ADGRG4: variants seen among roughly 807,000 people sequenced by gnomAD.
The protein encoded by ADGRG4 is G protein-coupled receptor 112.
ADGRG4 carries 122 observed loss-of-function variants against 126.2 expected under a neutral mutation model. The observed-to-expected ratio is 0.97, with a 90% CI of 0.83 to 1.12. ADGRG4 has a LOEUF of 1.12. Ranked by LOEUF, ADGRG4 falls within the 50% of genes most tolerant of loss-of-function variation. The pLI is 0.00. For missense variants in ADGRG4, 2,481 were observed against 2,251.8 expected, an observed-to-expected ratio of 1.10 and a Z score of -2.06; for synonymous variants, 943 against 838.7, an observed-to-expected ratio of 1.12 and a Z score of -2.15.
intron 10 of ADGRG4, among the ~76,000 whole-genome samples, chrX:136,359,049 G>A (rs1168025125): frequency 1.8e-5 from 2 of 112,444 alleles, no homozygotes; most frequent in Non-Finnish European, 3.8e-5. Context: ...CAATGCATAC[G>A]TTACTGACCA....
intron 4 of ADGRG4, among the ~76,000 whole-genome samples, chrX:136,309,441 C>T (rs935086062): frequency 5.3e-5 from 6 of 112,335 alleles, no homozygotes; most frequent in South Asian, 3.7e-4. Flanking sequence ...AATTTGGAGA[C>T]TTCAGGAGAA....
intron 8 of ADGRG4, among the ~76,000 whole-genome samples, chrX:136,354,691 T>C (rs2075083093): frequency 2.7e-5 from 3 of 111,815 alleles, no homozygotes; most frequent in Non-Finnish European, 1.9e-5. Context: ...TCTGACTAAC[T>C]GACTTCAACT....
At position 136,361,513 on chromosome X, in the gene ADGRG4, G is replaced by T. The variant is rs774756962; in HGVS notation, c.7203G>T (p.Trp2401Cys). The T allele has an allele frequency of 1.7e-6, 2 of 1,186,797 alleles. No homozygotes were observed. The highest frequency in any genetic ancestry group is 2.2e-5 in the Admixed American group (1 of 45,463). Residue 2401 changes from tryptophan to cysteine, a missense_variant, in exon 12 of 26, where the codon TGG becomes TGT. Coordinates refer to ENST00000394143, the MANE Select transcript of ADGRG4 (RefSeq NM_153834.4). ...CTAAATACAAAGGGACCTATAAGTG[G>T]CTATTAACCAACCCTACGGAGACAG... ...TASKYKGTYKWLLTNPTETAQ... is the reference protein window; with the variant it reads ...TASKYKGTYKCLLTNPTETAQ...
intron 5 of ADGRG4, among the ~76,000 whole-genome samples, chrX:136,342,956 TAAA>T (rs748855828): frequency 2.0e-5 from 2 of 102,480 alleles, no homozygotes; most frequent in Non-Finnish European, 4.0e-5. Context: ...GATTGGCACT[TAAA>T]AAGATCATTT....
At chrX:136,378,536 G>A (rs2075241617) in intron 15 of ADGRG4, among the ~76,000 whole-genome samples, 1 of 111,345 alleles carries the variant, frequency 9.0e-6, no homozygotes, top group African/African-American at 3.2e-5. Context: ...GAATAGAAGT[G>A]GTTGAAGTGG....
Position 136,350,156 on chromosome X carries a change from T to A in ADGRG4, c.6450T>A (p.Ser2150=), listed in dbSNP as rs764212748. Residue 2150 remains serine (S), a synonymous_variant, in exon 6 of 26, where the codon TCT becomes TCA. Transcript: ENST00000394143. ...LSVGAMPLPS[S]TITSSWNRIP... ...TTGGTGCCATGCCTCTGCCTAGCTCTACAATAACATCTTCATGGAACAGAA... is the reference window on the plus strand; with the variant it reads ...TTGGTGCCATGCCTCTGCCTAGCTCAACAATAACATCTTCATGGAACAGAA... 11 of 1,208,779 alleles carry A rather than the reference T, an allele frequency of 9.1e-6. No homozygotes were observed. The highest frequency in any genetic ancestry group is 1.2e-5 in the Non-Finnish European group (11 of 894,378).
intron 21 of ADGRG4, 133 bp from the exon 22 acceptor site, chrX:136,403,111 A>G (rs1025403138): frequency 1.5e-5 from 7 of 456,769 alleles, no homozygotes; most frequent in East Asian, 3.7e-5. Flanking sequence ...CATTTTGCAA[A>G]CAATAGTATT....
intron 24 of ADGRG4, among the ~76,000 whole-genome samples, chrX:136,413,330 T>C (rs1603301616): frequency 9.6e-6 from 1 of 104,607 alleles, no homozygotes; most frequent in Admixed American, 1.1e-4. Context: ...TGAGTGAGAA[T>C]ATGAGGTGTT....
At chrX:136,397,618 G>A (rs1221819194) in intron 19 of ADGRG4, among the ~76,000 whole-genome samples, 2 of 104,420 alleles carry the variant, frequency 1.9e-5, no homozygotes, top group African/African-American at 7.0e-5. Context: ...TGTAGAACAT[G>A]TTAATGATGA....
At chrX:136,405,631 T>C (rs745307323) in intron 22 of ADGRG4, 61 bp from the exon 23 acceptor site, 31 of 903,762 alleles carry the variant, frequency 3.4e-5, no homozygotes, top group Non-Finnish European at 4.2e-5. Context: ...TGATCTTCAG[T>C]CTCTGAGAAA....
In ADGRG4 at chrX:136,349,420, A is replaced by G. The variant is rs867265666; in HGVS notation, c.5714A>G (p.Asn1905Ser). ...ISTTINVPTS[N>S]EMETETLHLV... The stretch of plus-strand genomic sequence containing the variant: ...ACCACTATTAATGTACCTACATCCA[A>G]TGAGATGGAAACAGAGACTCTACAC... Residue 1905 changes from asparagine (N) to serine (S), a missense_variant, in exon 6 of 26, where the codon AAT becomes AGT. Transcript: ENST00000394143. The G allele has an allele frequency of 1.7e-6, 2 of 1,203,832 alleles. No individual in the cohort carries two copies. The highest frequency in any genetic ancestry group is 2.3e-6 in the Non-Finnish European group (2 of 888,878).
chrX:136,365,598 G>C (rs945669723), intron 13 of ADGRG4, among the ~76,000 whole-genome samples: 4 of 111,889 alleles, frequency 3.6e-5, no homozygotes, highest in African/African-American at 9.7e-5. Context: ...GAGTAGAATT[G>C]CTAGGTCATA....
chrX:136,357,889 A>G (rs1045822418), intron 10 of ADGRG4, 133 bp downstream of exon 10: 3 of 467,414 alleles, frequency 6.4e-6, no homozygotes, highest in Non-Finnish European at 7.6e-6. Flanking sequence ...ATTATTTCAC[A>G]TATGCTGTAA....
Position 136,416,591 on chromosome X carries a change from A to G in ADGRG4, c.*100A>G. 1.8e-6 allele frequency: 1 copy of G among 568,996 alleles called. No individual in the cohort carries two copies. The highest frequency in any genetic ancestry group is 2.8e-6 in the Non-Finnish European group (1 of 354,473). 46.9% of individuals were successfully genotyped at this position (568,996 alleles called of 1,213,427 possible). A position where few individuals can be genotyped will look rare whatever the true frequency, so the allele number is the denominator to read the frequency against. On this transcript the variant is annotated 3_prime_UTR_variant, in exon 26 of 26. Transcript: ENST00000394143. ...TTGCTCGGGTGATGGGTGCACCAAA[A>G]TCTCACAAATCACCACTAAATAATG...
chrX:136,377,930 T>C (rs1333939731), intron 15 of ADGRG4, among the ~76,000 whole-genome samples: 4 of 110,097 alleles, frequency 3.6e-5, no homozygotes, highest in Non-Finnish European at 7.6e-5. Flanking sequence ...TACTTCAACA[T>C]TGTTGCTTTT....
intron 4 of ADGRG4, among the ~76,000 whole-genome samples, chrX:136,318,155 C>T (rs939310837): frequency 8.9e-6 from 1 of 112,309 alleles, no homozygotes; most frequent in Non-Finnish European, 1.9e-5. Context: ...TGTCTATTAA[C>T]GTGAATCAAT....
intron 16 of ADGRG4, among the ~76,000 whole-genome samples, chrX:136,390,036 G>T (rs2075311402): frequency 9.0e-6 from 1 of 111,574 alleles, no homozygotes; most frequent in Non-Finnish European, 1.9e-5. Flanking sequence ...CATAACCTTA[G>T]AAATTTGTTT....
intron 5 of ADGRG4, among the ~76,000 whole-genome samples, chrX:136,333,512 GTTTA>G (rs957845601): frequency 1.8e-4 from 20 of 111,027 alleles, no homozygotes; most frequent in African/African-American, 6.2e-4. Flanking sequence ...GTATTTATTT[GTTTA>G]TTTATTTATT....
At chrX:136,352,054 C>G (rs888440319) in intron 7 of ADGRG4, among the ~76,000 whole-genome samples, 1 of 111,787 alleles carries the variant, frequency 8.9e-6, no homozygotes, top group Admixed American at 9.5e-5. Context: ...TAAATGTCCT[C>G]TCTCTAATAC....
Sources: allele counts gnomAD v4.1 joint callset (sites outside exome capture counted in the v4.1 genomes callset), GRCh38; gene constraint gnomAD v4.1.1; transcripts MANE v1.5; gene names NCBI Gene and HGNC (gene_info 2026-07-23, HGNC 2026-07-21).